The following PCDHA2 variants were observed in gnomAD, a reference collection of about 807,000 sequenced individuals.
The protein encoded by PCDHA2 is protocadherin alpha 2.
Under a neutral mutation model 66.0 loss-of-function variants are expected in PCDHA2, and 58 were observed. That is an observed-to-expected ratio of 0.88 (90% CI 0.71 to 1.09). The LOEUF (loss-of-function observed/expected upper bound fraction) is 1.09, where lower values mean the gene tolerates loss of function less well. PCDHA2 is among the 50% of genes least tolerant of loss of function. The pLI is 0.00. For synonymous variants in PCDHA2, 634 were observed against 554.0 expected (o/e 1.14, Z -2.03); for missense variants, 1,267 against 1,242.3 (o/e 1.02, Z -0.30).
Position 140,794,899 on chromosome 5 carries a change from G to C in PCDHA2, c.-66G>C. ...AGAGAAGCAGCAGGACTTTAACAGA[G>C]ACTAGAATATTTAAATTTTTGCAAA... On this transcript the variant is annotated 5_prime_UTR_variant, in exon 1 of 4. Transcript: ENST00000526136. 1.3e-6 allele frequency: 2 copies of C among 1,488,018 alleles called. No homozygotes were observed. Among genetic ancestry groups the C allele is most frequent in the Non-Finnish European group, 1.8e-6 (2 of 1,100,704 alleles). The allele number at this position is 1,488,018 out of a possible 1,614,324, so 92.2% of individuals were successfully genotyped here. A position where few individuals can be genotyped will look rare whatever the true frequency, so the allele number is the denominator to read the frequency against.
chr5:140,813,367 A>G (rs1267239174), intron 1 of PCDHA2: 1 of 152,212 alleles, frequency 6.6e-6, no homozygotes, highest in Non-Finnish European at 1.5e-5. Context: ...CCTACTACAG[A>G]CCTAGGTTAC....
chr5:140,871,298 C>G (rs987284077), intron 1 of PCDHA2: 1 of 1,613,894 alleles, frequency 6.2e-7, no homozygotes, highest in Non-Finnish European at 8.5e-7. Flanking sequence ...GGCGCGTGCG[C>G]GCCGGGGAAG....
At chr5:140,877,260 G>C (rs1329010026) in intron 1 of PCDHA2, 3 of 1,613,652 alleles carry the variant, frequency 1.9e-6, no homozygotes, top group Non-Finnish European at 2.5e-6. Flanking sequence ...AAGTGCGCGC[G>C]GTGGACGCTG....
chr5:141,001,567 T>A (rs116015618), intron 3 of PCDHA2, among the ~76,000 whole-genome samples: 2 of 152,294 alleles, frequency 1.3e-5, no homozygotes, highest in African/African-American at 4.8e-5. Context: ...ACGATTCTCC[T>A]GTGTTTTGTG....
At chr5:140,892,553 C>T (rs2063570808) in intron 1 of PCDHA2, among the ~76,000 whole-genome samples, 1 of 152,170 alleles carries the variant, frequency 6.6e-6, no homozygotes, top group South Asian at 2.1e-4. Flanking sequence ...TTTCTCTAGT[C>T]CTTGGAGACT....
rs141258804 is a variant in PCDHA2, at chr5:140,857,118, C to T, written c.2388+59766C>T. ...GTGATTGTCACTTCTCTGTCTCTCC[C>T]AGTGAAAGAAGATGCTCAAGTGGGC... On this transcript the variant is annotated intron_variant, in intron 1 of 3. Transcript: ENST00000526136. 2.7e-5 allele frequency: 43 copies of T among 1,597,878 alleles called. 6 individuals are homozygous for T. Among genetic ancestry groups the T allele is most frequent in the Non-Finnish European group, 3.3e-5 (38 of 1,167,604 alleles).
intron 1 of PCDHA2, chr5:140,829,659 T>C: frequency 6.2e-7 from 1 of 1,612,676 alleles, no homozygotes. Flanking sequence ...CTGCAGCCGC[T>C]GGACCACGAG....
At chr5:140,809,069 A>T in intron 1 of PCDHA2, 1 of 1,613,898 alleles carries the variant, frequency 6.2e-7, no homozygotes. Flanking sequence ...GGGGCTGTAC[A>T]CTGGCGAGAT....
At chr5:140,943,927 A>G (rs1407165466) in intron 1 of PCDHA2, among the ~76,000 whole-genome samples, 2 of 152,236 alleles carry the variant, frequency 1.3e-5, no homozygotes, top group East Asian at 1.9e-4. Flanking sequence ...GAGCAGCTTT[A>G]GAAGTGTGGT....
chr5:140,928,643 T>C (rs2085399261), intron 1 of PCDHA2: 7 of 1,614,222 alleles, frequency 4.3e-6, no homozygotes, highest in Non-Finnish European at 5.9e-6. Context: ...ACAAAAGTGG[T>C]AGCAGAGGAT....
chr5:140,796,182 G>A lies in PCDHA2; in HGVS notation c.1218G>A (p.Ser406=), dbSNP rs782764086. 12 of 1,614,164 alleles carry A rather than the reference G, an allele frequency of 7.4e-6. No individual in the cohort carries two copies. The highest frequency in any genetic ancestry group is 1.7e-4 in the Middle Eastern group (1 of 6,060). ...TGTCCACCTTCAAGAATTACTACTC[G>A]TTGGTGCTGGACAGCGCCCTGGACC... ...KLVSTFKNYY[S]LVLDSALDRE... The change falls in exon 1 of 4, where the codon TCG becomes TCA. Residue 406 remains serine, a synonymous_variant. Transcript: ENST00000526136.
chr5:140,819,612 G>A (rs1352238283), intron 1 of PCDHA2, among the ~76,000 whole-genome samples: 1 of 152,056 alleles, frequency 6.6e-6, no homozygotes, highest in Non-Finnish European at 1.5e-5. Flanking sequence ...AGTCTCCCAT[G>A]AAATTCAGAT....
intron 1 of PCDHA2, among the ~76,000 whole-genome samples, chr5:140,944,030 A>G (rs1272534224): frequency 1.3e-5 from 2 of 152,214 alleles, no homozygotes; most frequent in East Asian, 1.9e-4. Context: ...TCTTCAAAAT[A>G]TGGAAAACCA....
In PCDHA2 at chr5:140,927,340, G is replaced by A. The variant is rs77098674; in HGVS notation, c.2389-51609G>A. ...CCGCTTTACTCTCCCGAATGCCCAAGATGACGACGAGGGAAGCAATGGGAT... is the reference window on the plus strand; with the variant it reads ...CCGCTTTACTCTCCCGAATGCCCAAAATGACGACGAGGGAAGCAATGGGAT... On this transcript the variant is annotated intron_variant, in intron 1 of 3. Coordinates refer to ENST00000526136, the MANE Select transcript of PCDHA2 (RefSeq NM_018905.3). The A allele has an allele frequency of 8.1e-6, 13 of 1,614,032 alleles. No individual in the cohort carries two copies. The African/African-American group carries it at 1.5e-4, about 18-fold the overall frequency.
chr5:140,984,878 C>G (rs2097124872), intron 3 of PCDHA2, among the ~76,000 whole-genome samples: 1 of 151,854 alleles, frequency 6.6e-6, no homozygotes, highest in African/African-American at 2.4e-5. Flanking sequence ...ATTGAGTTAC[C>G]ATGAGAACTA....
At chr5:140,828,067 G>A (rs2150150517) in intron 1 of PCDHA2, 4 of 1,560,446 alleles carry the variant, frequency 2.6e-6, no homozygotes, top group Non-Finnish European at 8.7e-7. Flanking sequence ...ATCTTCTAAT[G>A]GAAATAAAAC....
intron 1 of PCDHA2, among the ~76,000 whole-genome samples, chr5:140,940,219 T>C (rs1554213221): frequency 6.6e-6 from 1 of 152,180 alleles, no homozygotes; most frequent in Non-Finnish European, 1.5e-5. Context: ...TTGGCATTTA[T>C]TTCATTTTGG....
chr5:140,869,302 G>T lies in PCDHA2; in HGVS notation c.2388+71950G>T. ...GCTGGTGCAGCGCCTGTTCCGGGTGGCGTCCAAAACACATGGGGACCTTCT... is the reference window on the plus strand; with the variant it reads ...GCTGGTGCAGCGCCTGTTCCGGGTGTCGTCCAAAACACATGGGGACCTTCT... On this transcript the variant is annotated intron_variant, in intron 1 of 3. Coordinates refer to ENST00000526136, the MANE Select transcript of PCDHA2 (RefSeq NM_018905.3). The T allele has an allele frequency of 6.2e-7, 1 of 1,613,642 alleles. No homozygotes were observed. Among genetic ancestry groups the T allele is most frequent in the Non-Finnish European group, 8.5e-7 (1 of 1,179,984 alleles).
chr5:140,946,611 AATAT>A (rs1554217734), intron 1 of PCDHA2, among the ~76,000 whole-genome samples: 10 of 86,794 alleles, frequency 1.2e-4, no homozygotes, highest in Admixed American at 4.7e-4. Flanking sequence ...GAAAATGTGA[AATAT>A]ATATATATAT....
Sources: allele counts gnomAD v4.1 joint callset (sites outside exome capture counted in the v4.1 genomes callset), GRCh38; gene constraint gnomAD v4.1.1; transcripts MANE v1.5; gene names NCBI Gene and HGNC (gene_info 2026-07-23, HGNC 2026-07-21).